Variants in TRABD2A observed in about 807,000 individuals in gnomAD.
TRABD2A encodes the protein TraB domain containing 2A.
In TRABD2A, 43 loss-of-function variants were observed where a neutral mutation model predicts 45.6. The ratio of observed to expected loss-of-function variants is 0.94; its 90% CI spans 0.74 to 1.22. TRABD2A has a LOEUF of 1.22. Among genes scored for constraint, TRABD2A ranks in the 50% most tolerant of loss-of-function variants. TRABD2A has a pLI of 0.00. For synonymous variants in TRABD2A, 269 were observed against 265.0 expected, an observed-to-expected ratio of 1.02 and a Z score of -0.15; for missense variants, 642 against 652.4, an observed-to-expected ratio of 0.98 and a Z score of 0.17.
chr2:84,865,237 G>A (rs932871623), intron 2 of TRABD2A, among the ~76,000 whole-genome samples: 18 of 150,930 alleles, frequency 1.2e-4, no homozygotes, highest in Non-Finnish European at 2.5e-4. Context: ...GAAAAAAAAA[G>A]AGAAAGTGAG....
At chr2:84,862,939 A>G (rs1321367772) in intron 2 of TRABD2A, among the ~76,000 whole-genome samples, 3 of 152,192 alleles carry the variant, frequency 2.0e-5, no homozygotes, top group African/African-American at 4.8e-5. Flanking sequence ...GATGTCCAAC[A>G]TGAAAAAAAT....
At chr2:84,823,913 T>TA in intron 6 of TRABD2A, 40 bp downstream of exon 6, 2 of 1,609,202 alleles carry the variant, frequency 1.2e-6, no homozygotes, top group Non-Finnish European at 1.7e-6. Context: ...CTCACTAGGG[T>TA]AAAGGTGGAT....
intron 2 of TRABD2A, among the ~76,000 whole-genome samples, chr2:84,858,268 AACATC>A (rs1682380484): frequency 6.6e-6 from 1 of 151,940 alleles, no homozygotes. Flanking sequence ...AGCTCCCTCC[AACATC>A]GTCTCCCACC....
At position 84,867,067 on chromosome 2, in the gene TRABD2A, C is replaced by CA. The variant is rs201066672; in HGVS notation, c.669+3157dup. 4.0e-3 allele frequency among the ~76,000 whole-genome samples: 553 copies of CA among 138,954 alleles called. 5 individuals carry two copies. The highest frequency in any genetic ancestry group is 0.013 in the African/African-American group (473 of 37,748). The allele number at this position is 138,954 out of a possible 152,430, so 91.2% of individuals were successfully genotyped here. ...TGGGCAACAGAGTGAGACTCTGTCT[C>CA]AAAAAAAAAAAGTCATTGGGCTGTA... On this transcript the variant is annotated intron_variant, in intron 2 of 6. Transcript: ENST00000409520.
In TRABD2A at chr2:84,870,326, G is replaced by C. The variant is rs1176152097; in HGVS notation, c.568C>G (p.Leu190Val). 4 of 1,614,020 alleles carry C rather than the reference G, an allele frequency of 2.5e-6. No homozygotes were observed. The highest frequency in any genetic ancestry group is 3.4e-6 in the Non-Finnish European group (4 of 1,179,906). ...IKSRGVPVLD[L>V]FLAQEAERLR... is the part of the protein sequence containing the mutation. ...CGCTCAGCCTCCTGGGCAAGGAACA[G>C]GTCTAAGACAGGCACTCCACGGGAC... The change falls in exon 2 of 7, where the codon CTG becomes GTG. Residue 190 changes from leucine (L) to valine (V), a missense_variant. Physicochemically the swap from Leu to Val is conservative, Grantham distance 32. Transcript: ENST00000409520.
intron 4 of TRABD2A, among the ~76,000 whole-genome samples, chr2:84,838,496 TA>T (rs1681592860): frequency 6.6e-6 from 1 of 152,150 alleles, no homozygotes; most frequent in Non-Finnish European, 1.5e-5. Flanking sequence ...ATCTTACTGG[TA>T]AAGAAACTGA....
intron 5 of TRABD2A, among the ~76,000 whole-genome samples, chr2:84,831,278 G>A (rs531904470): frequency 7.2e-5 from 11 of 152,286 alleles, no homozygotes; most frequent in South Asian, 2.1e-4. Context: ...AACCAGTCCC[G>A]TTGACACCTT....
intron 2 of TRABD2A, 46 bp downstream of exon 2, chr2:84,870,179 C>A (rs1339910447): frequency 4.6e-6 from 7 of 1,535,838 alleles, no homozygotes; most frequent in Non-Finnish European, 6.2e-6. Context: ...CAGATTCACC[C>A]ATACAACCAA....
intron 2 of TRABD2A, among the ~76,000 whole-genome samples, chr2:84,845,541 G>A (rs991652193): frequency 2.7e-5 from 4 of 150,856 alleles, no homozygotes; most frequent in African/African-American, 9.9e-5. Flanking sequence ...CAGAAGGCCT[G>A]GGAACAGCAA....
chr2:84,824,952 A>T (rs1681108693), intron 5 of TRABD2A, among the ~76,000 whole-genome samples: 1 of 152,218 alleles, frequency 6.6e-6, no homozygotes, highest in African/African-American at 2.4e-5. Context: ...CCTAAAGGTG[A>T]CTATAGTCAC....
chr2:84,870,831 C>A, intron 1 of TRABD2A, 46 bp from the exon 2 acceptor site: 1 of 1,480,868 alleles, frequency 6.8e-7, no homozygotes, highest in South Asian at 1.3e-5. Context: ...GGGGGAGAGG[C>A]ATGGTCAGGA....
At chr2:84,852,334 A>G (rs1294968916) in intron 2 of TRABD2A, among the ~76,000 whole-genome samples, 1 of 152,196 alleles carries the variant, frequency 6.6e-6, no homozygotes, top group Non-Finnish European at 1.5e-5. Flanking sequence ...AGTAGCCACC[A>G]AGGGTCCAGG....
At chr2:84,838,242 C>T (rs750321519) in intron 4 of TRABD2A, 2 of 717,454 alleles carry the variant, frequency 2.8e-6, no homozygotes, top group South Asian at 3.0e-5. Context: ...TACTGTGAAG[C>T]TGGGAAAAGG....
intron 2 of TRABD2A, among the ~76,000 whole-genome samples, chr2:84,869,117 CA>C (rs1195285978): frequency 6.6e-6 from 1 of 152,148 alleles, no homozygotes; most frequent in Non-Finnish European, 1.5e-5. Flanking sequence ...AACTCAGGAA[CA>C]TTATTTTTAG....
intron 2 of TRABD2A, among the ~76,000 whole-genome samples, chr2:84,869,625 T>A (rs1216663697): frequency 6.6e-6 from 1 of 152,188 alleles, no homozygotes; most frequent in Admixed American, 6.5e-5. Context: ...GGCATCCACA[T>A]GTCCACAACG....
intron 5 of TRABD2A, among the ~76,000 whole-genome samples, chr2:84,825,348 A>C (rs1457535089): frequency 6.6e-6 from 1 of 152,166 alleles, no homozygotes; most frequent in Non-Finnish European, 1.5e-5. Flanking sequence ...TGAGGAAGGG[A>C]GGAGGTATAC....
At chr2:84,827,459 T>C (rs1171308790) in intron 5 of TRABD2A, among the ~76,000 whole-genome samples, 1 of 152,176 alleles carries the variant, frequency 6.6e-6, no homozygotes, top group Non-Finnish European at 1.5e-5. Flanking sequence ...GAGCACACAG[T>C]AGATCCTTAC....
intron 1 of TRABD2A, among the ~76,000 whole-genome samples, chr2:84,874,383 C>T (rs1258726848): frequency 2.0e-5 from 3 of 152,228 alleles, no homozygotes; most frequent in Non-Finnish European, 4.4e-5. Context: ...TGGACTGTCC[C>T]ACTGCCTGCA....
rs746934612 is a variant in TRABD2A at position 84,870,709 on chromosome 2, G to A, written c.185C>T (p.Pro62Leu). The A allele has an allele frequency of 1.4e-5, 23 of 1,603,860 alleles. No homozygotes were observed. Among genetic ancestry groups the A allele is most frequent in the East Asian group, 1.1e-4 (5 of 44,564 alleles). Residue 62 changes from proline (P) to leucine (L), a missense_variant, in exon 2 of 7, where the codon CCG becomes CTG. Coordinates refer to ENST00000409520, the MANE Select transcript of TRABD2A (RefSeq NM_001277053.2). ...PSYFFGTIHV[P>L]YTRVWDFIPD... ...GATGAAGTCCCAAACTCGGGTGTACGGGACATGGATTGTGCCAAAGAAGTA... is the reference window on the plus strand; with the variant it reads ...GATGAAGTCCCAAACTCGGGTGTACAGGACATGGATTGTGCCAAAGAAGTA...
Sources: gnomAD v4.1 joint callset for allele counts (sites outside exome capture counted in the v4.1 genomes callset) on GRCh38, gnomAD v4.1.1 for gene constraint, MANE v1.5 for transcripts, NCBI Gene and HGNC (gene_info 2026-07-23, HGNC 2026-07-21) for gene names.